Variants in REV1 observed in about 807,000 individuals in gnomAD.
REV1 encodes REV1 DNA directed polymerase.
A neutral mutation model predicts 137.4 loss-of-function variants in REV1; 42 were observed. That is an observed-to-expected ratio of 0.31 (90% CI 0.24 to 0.40). REV1 has a LOEUF of 0.40. Ranked by LOEUF, REV1 falls within the 10% of genes least tolerant of loss-of-function variation. REV1 has a pLI of 1.00. For synonymous variants in REV1, 524 were observed against 519.2 expected (o/e 1.01, Z -0.12); for missense variants, 1,282 against 1,490.1 (o/e 0.86, Z 2.30).
rs565678468 is a variant in REV1 at position 99,434,503 on chromosome 2, T to G, written c.1322-55A>C. 4.2e-6 allele frequency: 5 copies of G among 1,191,080 alleles called. No individual in the cohort carries two copies. The Admixed American group carries it at 1.3e-4, about 32-fold the overall frequency. The allele number at this position is 1,191,080 out of a possible 1,614,324, so 73.8% of individuals were successfully genotyped here. A position where few individuals can be genotyped will look rare whatever the true frequency, so the allele number is the denominator to read the frequency against. ...ATGTGGTACAGGAATGTTAACAACA[T>G]GTAAGCAAAAATTTTTCAAAGGATT... On this transcript the variant is annotated intron_variant, in intron 7 of 22. Transcript: ENST00000258428.
chr2:99,441,848 G>T (rs1346966554), intron 5 of REV1, among the ~76,000 whole-genome samples: 1 of 152,108 alleles, frequency 6.6e-6, no homozygotes, highest in Non-Finnish European at 1.5e-5. Context: ...TTCATTTTTA[G>T]ATAAGACACT....
chr2:99,469,315 A>C (rs1159093180), intron 1 of REV1, among the ~76,000 whole-genome samples: 6 of 152,234 alleles, frequency 3.9e-5, no homozygotes, highest in Non-Finnish European at 8.8e-5. Context: ...ATGAACTAAA[A>C]ACTAAGTACA....
At position 99,463,649 on chromosome 2, in the gene REV1, G is replaced by A. The variant is rs576807286; in HGVS notation, c.55-1027C>T. On this transcript the variant is annotated intron_variant, in intron 2 of 22. Transcript: ENST00000258428. ...ATATTTTATTTTATTTTTTTGACAG[G>A]GTCTTGCTGTTGTCGCCCAGGCTGG... Among the ~76,000 whole-genome samples, 53 of 151,896 alleles carry A rather than the reference G, an allele frequency of 3.5e-4. 1 individual carries two copies. The highest frequency in any genetic ancestry group is 1.3e-3 in the African/African-American group (52 of 41,426).
At chr2:99,406,157 C>G in intron 16 of REV1, 51 bp from the exon 17 acceptor site, 1 of 1,470,706 alleles carries the variant, frequency 6.8e-7, no homozygotes, top group South Asian at 1.3e-5. Flanking sequence ...CGGGCAGGGC[C>G]TTTAATCCTC....
chr2:99,480,191 T>C (rs1265212167), intron 1 of REV1, among the ~76,000 whole-genome samples: 1 of 152,054 alleles, frequency 6.6e-6, no homozygotes, highest in African/African-American at 2.4e-5. Context: ...GTCATGGTGG[T>C]GCACGCCCAT....
intron 4 of REV1, among the ~76,000 whole-genome samples, chr2:99,446,496 TTTTC>T (rs1372274020): frequency 6.6e-6 from 1 of 152,142 alleles, no homozygotes; most frequent in Non-Finnish European, 1.5e-5. Context: ...TAGCATTTTC[TTTTC>T]TTTTTCTTTT....
intron 1 of REV1, among the ~76,000 whole-genome samples, chr2:99,480,587 C>T (rs140405814): frequency 1.3e-4 from 20 of 152,318 alleles, no homozygotes; most frequent in African/African-American, 4.8e-4. Context: ...ATTCCACCCA[C>T]ACAAGTCATT....
intron 8 of REV1, among the ~76,000 whole-genome samples, chr2:99,431,080 G>A (rs1372227193): frequency 6.6e-6 from 1 of 152,158 alleles, no homozygotes; most frequent in Non-Finnish European, 1.5e-5. Flanking sequence ...TGCACCACCA[G>A]GAAAACTGGC....
At chr2:99,465,170 T>C (rs571031761) in intron 1 of REV1, among the ~76,000 whole-genome samples, 185 bp from the exon 2 acceptor site, 1 of 148,074 alleles carries the variant, frequency 6.8e-6, no homozygotes, top group African/African-American at 2.6e-5. Context: ...AATTTGTCTA[T>C]AAAACACCCT....
intron 10 of REV1, among the ~76,000 whole-genome samples, chr2:99,423,797 T>C (rs1367881344): frequency 2.0e-5 from 3 of 152,116 alleles, no homozygotes; most frequent in South Asian, 2.1e-4. Flanking sequence ...AAAACTATAA[T>C]TAAAATGAAA....
chr2:99,412,258 A>T (rs1373637928), intron 13 of REV1, among the ~76,000 whole-genome samples: 2 of 30,766 alleles, frequency 6.5e-5, no homozygotes, highest in African/African-American at 3.4e-4. Flanking sequence ...ACTCCATCTC[A>T]AAAAAAAAAA....
At chr2:99,445,415 T>C (rs1320592392) in intron 4 of REV1, among the ~76,000 whole-genome samples, 1 of 152,158 alleles carries the variant, frequency 6.6e-6, no homozygotes, top group Non-Finnish European at 1.5e-5. Flanking sequence ...TATGTGACCA[T>C]CTAATCACGG....
At position 99,411,029 on chromosome 2, in the gene REV1, G is replaced by A. The variant is rs572151671; in HGVS notation, c.2173-162C>T. Among the ~76,000 whole-genome samples, 4 of 152,336 alleles carry A rather than the reference G, an allele frequency of 2.6e-5. No homozygotes were observed. In the South Asian group the frequency reaches 8.3e-4, roughly 32 times the overall value. ...TGGCCAGGCGCGGTGGCTCACACCT[G>A]TAATCCCAGCACTTTGAGAGGCCGA... On this transcript the variant is annotated intron_variant, in intron 13 of 22. Transcript: ENST00000258428.
chr2:99,489,791 C>A (rs1687515826), intron 1 of REV1, 26 bp downstream of exon 1: 1 of 149,556 alleles, frequency 6.7e-6, no homozygotes, highest in Non-Finnish European at 1.5e-5. Context: ...CTCCCCCACC[C>A]CGCCGCCGGC....
In REV1 at chr2:99,410,765, C is replaced by A; in HGVS notation, c.2275G>T (p.Val759Leu). ...KGKRLTLKIM[V>L]RKPGAPVETA... ...TCTACAGGAGCCCCAGGCTTTCGTACCATGATTTTGAGAGTTAGACGTTTA... is the reference window on the plus strand; with the variant it reads ...TCTACAGGAGCCCCAGGCTTTCGTAACATGATTTTGAGAGTTAGACGTTTA... The change falls in exon 14 of 23, where the codon GTA (valine) becomes TTA (leucine). Residue 759 changes from valine (V) to leucine (L), a missense_variant. Physicochemically the swap from Val to Leu is conservative, Grantham distance 32. Coordinates refer to ENST00000258428, the MANE Select transcript of REV1 (RefSeq NM_016316.4). 1 of 1,611,570 alleles carries A rather than the reference C, an allele frequency of 6.2e-7. No individual in the cohort carries two copies. Among genetic ancestry groups the A allele is most frequent in the African/African-American group, 1.3e-5 (1 of 74,788 alleles).
At chr2:99,433,072 T>G (rs1680318909) in intron 8 of REV1, among the ~76,000 whole-genome samples, 1 of 152,218 alleles carries the variant, frequency 6.6e-6, no homozygotes, top group African/African-American at 2.4e-5. Context: ...TTCTTTAGTA[T>G]TTCATAAATG....
intron 3 of REV1, among the ~76,000 whole-genome samples, chr2:99,454,188 G>C (rs1257136383): frequency 2.6e-5 from 4 of 151,854 alleles, no homozygotes; most frequent in Non-Finnish European, 4.4e-5. Context: ...CCATGAGTTT[G>C]AGACCAACCT....
Position 99,484,142 on chromosome 2 carries a change from C to T in REV1, c.-11+5675G>A, listed in dbSNP as rs558559098. 2.0e-5 allele frequency among the ~76,000 whole-genome samples: 3 copies of T among 152,320 alleles called. No individual in the cohort carries two copies. The South Asian group carries it at 6.2e-4, about 32-fold the overall frequency. Reference sequence around the variant, plus strand: ...CACACGAACAGAACACCAAACACCACATGTTCTCACTTGCAAGTGGCAGCC... The same window carrying T: ...CACACGAACAGAACACCAAACACCATATGTTCTCACTTGCAAGTGGCAGCC... On this transcript the variant is annotated intron_variant, in intron 1 of 22. Coordinates refer to ENST00000258428, the MANE Select transcript of REV1 (RefSeq NM_016316.4).
rs1675354295 is a variant in REV1, at chr2:99,401,244, T to G, written c.3753A>C (p.Thr1251=). 1 of 1,593,012 alleles carries G rather than the reference T, an allele frequency of 6.3e-7. No individual in the cohort carries two copies. The highest frequency in any genetic ancestry group is 8.6e-7 in the Non-Finnish European group (1 of 1,161,150). The change falls in exon 23 of 23, where the codon ACA becomes ACC. Residue 1251 remains threonine, a synonymous_variant. Transcript: ENST00000258428. ...QQTYGSTLKV[T] is the part of the protein sequence containing the mutation. ...GCATCAGGCTCTCTGGTAATATTTA[T>G]GTAACTTTTAATGTGCTTCCATAAG...
Sources: allele counts gnomAD v4.1 joint callset (sites outside exome capture counted in the v4.1 genomes callset), GRCh38; gene constraint gnomAD v4.1.1; transcripts MANE v1.5; gene names NCBI Gene and HGNC (gene_info 2026-07-23, HGNC 2026-07-21).